Variants in ADAMTS18 observed in about 807,000 individuals in gnomAD.
ADAMTS18 encodes the protein A disintegrin and metalloproteinase with thrombospondin motifs 18.
ADAMTS18 carries 157 observed loss-of-function variants against 165.9 expected under a neutral mutation model. That is an observed-to-expected ratio of 0.95 (90% CI 0.83 to 1.08). ADAMTS18 has a LOEUF of 1.08. Ranked by LOEUF, ADAMTS18 falls within the 50% of genes least tolerant of loss-of-function variation. The pLI is 0.00. For missense variants in ADAMTS18, 2,040 were observed against 1,534.0 expected (o/e 1.33, Z -5.51); for synonymous variants, 782 against 578.2 (o/e 1.35, Z -5.06).
intron 16 of ADAMTS18, among the ~76,000 whole-genome samples, chr16:77,304,424 G>A (rs1262167458): frequency 6.6e-6 from 1 of 152,190 alleles, no homozygotes; most frequent in East Asian, 1.9e-4. Context: ...TCACACCACT[G>A]CACTCCAGCC....
chr16:77,434,883 C>T lies in ADAMTS18; in HGVS notation c.-188G>A. ...CTCCTCCGGCCGCCTGCGCGCCCTC[C>T]CTTCTCCCGGCGCGGGCCTGCCGAG... On this transcript the variant is annotated 5_prime_UTR_variant, in exon 1 of 23. Coordinates refer to ENST00000282849, the MANE Select transcript of ADAMTS18 (RefSeq NM_199355.4). The T allele has an allele frequency of 2.3e-6, 1 of 442,810 alleles. No individual in the cohort carries two copies. Among genetic ancestry groups the T allele is most frequent in the Non-Finnish European group, 3.8e-6 (1 of 266,504 alleles). The allele number at this position is 442,810 out of a possible 1,614,324, so 27.4% of individuals were successfully genotyped here. A position where few individuals can be genotyped will look rare whatever the true frequency, so the allele number is the denominator to read the frequency against.
chr16:77,289,497 A>G, intron 21 of ADAMTS18, 86 bp from the exon 22 acceptor site: 2 of 1,485,278 alleles, frequency 1.3e-6, no homozygotes, highest in Non-Finnish European at 1.9e-6. Flanking sequence ...GCTTCATGAC[A>G]TTAACAAGAT....
intron 3 of ADAMTS18, among the ~76,000 whole-genome samples, chr16:77,409,779 T>C (rs1395534121): frequency 1.3e-5 from 2 of 151,550 alleles, no homozygotes; most frequent in African/African-American, 4.9e-5. Context: ...CCATTTTGGT[T>C]CAAATGCTTA....
chr16:77,391,645 T>C (rs982169748), intron 3 of ADAMTS18, among the ~76,000 whole-genome samples: 1 of 152,186 alleles, frequency 6.6e-6, no homozygotes, highest in East Asian at 1.9e-4. Flanking sequence ...TTCCTTTTAA[T>C]AGTTGCAAAG....
chr16:77,345,872 T>C (rs1282498277), intron 10 of ADAMTS18, among the ~76,000 whole-genome samples: 1 of 152,208 alleles, frequency 6.6e-6, no homozygotes, highest in Non-Finnish European at 1.5e-5. Flanking sequence ...AACCCTGTTA[T>C]GTCTTGTCAA....
At chr16:77,296,556 A>G (rs2144581840) in intron 18 of ADAMTS18, among the ~76,000 whole-genome samples, 1 of 152,314 alleles carries the variant, frequency 6.6e-6, no homozygotes, top group African/African-American at 2.4e-5. Context: ...AGGTTAAAAG[A>G]AAAAAGCACC....
chr16:77,313,040 A>C (rs2055812466), intron 16 of ADAMTS18, among the ~76,000 whole-genome samples: 1 of 152,220 alleles, frequency 6.6e-6, no homozygotes, highest in Admixed American at 6.5e-5. Context: ...ACTCGGAACC[A>C]ACCCAAATGT....
chr16:77,385,761 G>A (rs891190631), intron 3 of ADAMTS18, among the ~76,000 whole-genome samples: 1 of 152,132 alleles, frequency 6.6e-6, no homozygotes, highest in South Asian at 2.1e-4. Flanking sequence ...TCCCAGGGGT[G>A]GGGTGGAAGA....
Position 77,398,737 on chromosome 16 carries a change from C to T in ADAMTS18, c.496-31014G>A, listed in dbSNP as rs114743903. 6.5e-4 allele frequency among the ~76,000 whole-genome samples: 99 copies of T among 152,190 alleles called. 1 individual carries two copies. Among genetic ancestry groups the T allele is most frequent in the African/African-American group, 2.1e-3 (87 of 41,514 alleles). ...AGTACACACCCCGAAATATGATAAC[C>T]TAAAATAACTCTAGCCACTGCTGAA... On this transcript the variant is annotated intron_variant, in intron 3 of 22. Transcript: ENST00000282849.
intron 9 of ADAMTS18, among the ~76,000 whole-genome samples, chr16:77,354,234 C>A (rs1159305436): frequency 6.6e-6 from 1 of 152,140 alleles, no homozygotes; most frequent in Non-Finnish European, 1.5e-5. Flanking sequence ...TACTCTGTGG[C>A]AAACCTTAGA....
chr16:77,303,855 C>A (rs977262041), intron 16 of ADAMTS18, among the ~76,000 whole-genome samples: 1 of 152,134 alleles, frequency 6.6e-6, no homozygotes, highest in African/African-American at 2.4e-5. Context: ...TGGTGAAACC[C>A]CATCTCTACT....
In ADAMTS18 at chr16:77,289,626, A is replaced by G. The variant is rs190673999; in HGVS notation, c.3403-215T>C. Reference sequence around the variant, plus strand: ...GAAGGGTTTTAGGCAAATGCTATCTATCTAGCCCAAGAGTGTGTGTCTCCC... The same window carrying G: ...GAAGGGTTTTAGGCAAATGCTATCTGTCTAGCCCAAGAGTGTGTGTCTCCC... On this transcript the variant is annotated intron_variant, in intron 21 of 22. Coordinates refer to ENST00000282849, the MANE Select transcript of ADAMTS18 (RefSeq NM_199355.4). Among the ~76,000 whole-genome samples, 12 of 152,344 alleles carry G rather than the reference A, an allele frequency of 7.9e-5. No individual in the cohort carries two copies. In the East Asian group the frequency reaches 1.2e-3, roughly 15 times the overall value.
chr16:77,354,517 T>C (rs2056600598), intron 9 of ADAMTS18, among the ~76,000 whole-genome samples: 1 of 152,086 alleles, frequency 6.6e-6, no homozygotes, highest in African/African-American at 2.4e-5. Context: ...TGGATATTCT[T>C]AGCACCTTAT....
chr16:77,431,584 ACTT>A lies in ADAMTS18; in HGVS notation c.203_205del (p.Glu68del), dbSNP rs1210423059. 6.2e-7 allele frequency: 1 copy of A among 1,614,138 alleles called. No individual in the cohort carries two copies. The highest frequency in any genetic ancestry group is 2.2e-5 in the East Asian group (1 of 44,874). ...TGAAATATATGACCCGGCTGAGTCT[ACTT>A]CTACTGGCGTGACAAAGACGTAATC... On this transcript the variant is annotated inframe_deletion, in exon 3 of 23. Transcript: ENST00000282849.
chr16:77,355,325 T>C (rs1361205961), intron 9 of ADAMTS18, among the ~76,000 whole-genome samples: 1 of 152,100 alleles, frequency 6.6e-6, no homozygotes, highest in Non-Finnish European at 1.5e-5. Flanking sequence ...GTTTCTGTGT[T>C]ATTAAAAGCA....
intron 10 of ADAMTS18, among the ~76,000 whole-genome samples, chr16:77,342,475 G>A (rs1244802398): frequency 1.4e-5 from 2 of 139,108 alleles, no homozygotes; most frequent in African/African-American, 5.3e-5. Context: ...ACTGACTGTA[G>A]AGACAGATTC....
At position 77,291,328 on chromosome 16, in the gene ADAMTS18, C is replaced by T; in HGVS notation, c.3340G>A (p.Ala1114Thr). 1 of 1,614,194 alleles carries T rather than the reference C, an allele frequency of 6.2e-7. No individual in the cohort carries two copies. ...TTGTACACTGGATGGGCTGGGCAAG[C>T]CCGTCGGTTGCAGGTCTCTTCCAAG... is the stretch of plus-strand genomic sequence containing the variant. ...LDLEETCNRR[A>T]CPAHPVYNMV... Residue 1114 changes from alanine to threonine, a missense_variant, in exon 21 of 23, where the codon GCT becomes ACT. Transcript: ENST00000282849.
At chr16:77,302,055 C>G (rs1002497773) in intron 16 of ADAMTS18, among the ~76,000 whole-genome samples, 1 of 113,704 alleles carries the variant, frequency 8.8e-6, no homozygotes. Context: ...TACAGCTGTT[C>G]TTGGAACCCT....
intron 3 of ADAMTS18, among the ~76,000 whole-genome samples, chr16:77,401,216 T>C (rs531903738): frequency 6.6e-6 from 1 of 152,192 alleles, no homozygotes; most frequent in African/African-American, 2.4e-5. Flanking sequence ...ATCATACCAC[T>C]TCACTCCAGC....
Sources: allele counts gnomAD v4.1 joint callset (sites outside exome capture counted in the v4.1 genomes callset), GRCh38; gene constraint gnomAD v4.1.1; transcripts MANE v1.5; gene names NCBI Gene and HGNC (gene_info 2026-07-23, HGNC 2026-07-21).